Variants in ATM observed in about 807,000 individuals in gnomAD.
The protein encoded by ATM is ATM serine/threonine kinase.
ATM carries 308 observed loss-of-function variants against 387.0 expected under a neutral mutation model. The observed-to-expected ratio is 0.80, with a 90% CI of 0.73 to 0.87. The LOEUF (loss-of-function observed/expected upper bound fraction) is 0.87. Ranked by LOEUF, ATM falls within the 40% of genes least tolerant of loss-of-function variation. The pLI is 0.00. For missense variants in ATM, 3,312 were observed against 3,560.9 expected, an observed-to-expected ratio of 0.93 and a Z score of 1.78; for synonymous variants, 1,156 against 1,187.3, an observed-to-expected ratio of 0.97 and a Z score of 0.54.
At chr11:108,350,637 C>T (rs1462324529) in intron 59 of ATM, among the ~76,000 whole-genome samples, 1 of 152,064 alleles carries the variant, frequency 6.6e-6, no homozygotes, top group Non-Finnish European at 1.5e-5. Flanking sequence ...CAACATTCAG[C>T]GAATGTGAGA....
rs1309067677 is a variant in ATM at position 108,362,333 on chromosome 11, C to A, written c.8851-2749C>A. On this transcript the variant is annotated intron_variant, in intron 61 of 62. Coordinates refer to ENST00000675843, the MANE Select transcript of ATM (RefSeq NM_000051.4). Reference sequence around the variant, plus strand: ...GGAGAGGATGTGGAGAAATAGGAACCCTTTTACACTGTTGGTGGGACTGTA... The same window carrying A: ...GGAGAGGATGTGGAGAAATAGGAACACTTTTACACTGTTGGTGGGACTGTA... Among the ~76,000 whole-genome samples the A allele has an allele frequency of 3.0e-3, 448 of 150,524 alleles. 2 individuals carry two copies. Among genetic ancestry groups the A allele is most frequent in the Admixed American group, 0.024 (346 of 14,398 alleles).
At chr11:108,343,144 G>T (rs2136933339) in intron 56 of ATM, 78 bp from the exon 57 acceptor site, 1 of 1,566,974 alleles carries the variant, frequency 6.4e-7, no homozygotes, top group Non-Finnish European at 8.8e-7. Flanking sequence ...GCTTTGCACT[G>T]ACTCTGATAG....
At chr11:108,257,755 GACTAC>G in intron 15 of ATM, 149 bp downstream of exon 15, 5 of 820,782 alleles carry the variant, frequency 6.1e-6, no homozygotes, top group African/African-American at 1.7e-5. Context: ...AAGTAATTGG[GACTAC>G]AGGCATGTAC....
intron 55 of ATM, 38 bp downstream of exon 55, chr11:108,335,147 T>C (rs2136668525): frequency 6.2e-7 from 1 of 1,613,386 alleles, no homozygotes; most frequent in Non-Finnish European, 8.5e-7. Context: ...CTTAGAGTTT[T>C]AGTGATGAAA....
In ATM at chr11:108,299,731, T is replaced by C. The variant is rs876660275; in HGVS notation, c.5023T>C (p.Leu1675=). ...KEVLEAVGSC[L]GEVGPIDFST... ...ATATGTAGAGGCTGTTGGAAGCTGC[T>C]TGGGAGAAGTGGGTCCTATAGATTT... Residue 1675 remains leucine (L), a synonymous_variant, in exon 34 of 63, where the codon TTG becomes CTG. Coordinates refer to ENST00000675843, the MANE Select transcript of ATM (RefSeq NM_000051.4). 2 of 1,613,882 alleles carry C rather than the reference T, an allele frequency of 1.2e-6. No individual in the cohort carries two copies. The highest frequency in any genetic ancestry group is 1.7e-4 in the Middle Eastern group (1 of 5,986).
chr11:108,331,840 T>C, intron 51 of ATM, 39 bp from the exon 52 acceptor site: 2 of 1,595,830 alleles, frequency 1.3e-6, no homozygotes, highest in Non-Finnish European at 1.7e-6. Context: ...TTATATTTTT[T>C]TGTTTATTTG....
chr11:108,331,289 A>G, intron 50 of ATM, 155 bp from the exon 51 acceptor site: 1 of 1,391,806 alleles, frequency 7.2e-7, no homozygotes, highest in South Asian at 1.7e-5. Context: ...ACCTTCAGAT[A>G]AGAAAAGAAA....
intron 38 of ATM, chr11:108,309,090 G>GC: frequency 7.2e-7 from 1 of 1,380,456 alleles, no homozygotes; most frequent in South Asian, 1.2e-5. Context: ...AGTATGAATG[G>GC]GATATAGAAA....
rs2135754219 is a variant in ATM at position 108,289,113 on chromosome 11, C to T, written c.4236+10C>T. On this transcript the variant is annotated intron_variant, in intron 28 of 62. Coordinates refer to ENST00000675843, the MANE Select transcript of ATM (RefSeq NM_000051.4). Reference sequence around the variant, plus strand: ...TCTTTCCAAAAGCCCTGTAAGTATACATGATGAGTTTAATAATAGAACATT... The same window carrying T: ...TCTTTCCAAAAGCCCTGTAAGTATATATGATGAGTTTAATAATAGAACATT... The T allele has an allele frequency of 1.9e-6, 3 of 1,602,890 alleles. No individual in the cohort carries two copies. Among genetic ancestry groups the T allele is most frequent in the Non-Finnish European group, 2.6e-6 (3 of 1,171,024 alleles).
intron 57 of ATM, among the ~76,000 whole-genome samples, chr11:108,345,214 A>G (rs1413224312): frequency 1.3e-5 from 2 of 152,236 alleles, no homozygotes; most frequent in African/African-American, 4.8e-5. Flanking sequence ...CTAAAGCTTA[A>G]TAAAGATATC....
chr11:108,267,400 A>G (rs2081318281), intron 17 of ATM, 58 bp downstream of exon 17: 3 of 1,492,950 alleles, frequency 2.0e-6, no homozygotes, highest in Non-Finnish European at 2.8e-6. Flanking sequence ...ATTTGGCAGT[A>G]TAAGAGGCCT....
intron 27 of ATM, among the ~76,000 whole-genome samples, chr11:108,288,263 CG>C (rs1251086683): frequency 1.3e-5 from 2 of 151,856 alleles, no homozygotes; most frequent in Non-Finnish European, 2.9e-5. Flanking sequence ...TTGGTAGAGA[CG>C]GGGTTTCACT....
At chr11:108,362,953 A>T (rs936350665) in intron 61 of ATM, among the ~76,000 whole-genome samples, 6 of 151,814 alleles carry the variant, frequency 4.0e-5, no homozygotes, top group East Asian at 1.9e-4. Context: ...AGTATAATTT[A>T]AAAAAAACTA....
rs786202897 is a variant in ATM, at chr11:108,282,843, T to C, written c.3710T>C (p.Ile1237Thr). 6.5e-7 allele frequency: 1 copy of C among 1,529,924 alleles called. No individual in the cohort carries two copies. The highest frequency in any genetic ancestry group is 1.7e-5 in the Admixed American group (1 of 58,606). 94.8% of individuals were successfully genotyped at this position (1,529,924 alleles called of 1,614,324 possible). A position where few individuals can be genotyped will look rare whatever the true frequency, so the allele number is the denominator to read the frequency against. The change falls in exon 25 of 63, where the codon ATT (isoleucine) becomes ACT (threonine). Residue 1237 changes from isoleucine to threonine, a missense_variant. By Grantham distance (89) the Ile-to-Thr change is moderately conservative. Transcript: ENST00000675843. ...TEYNLSSFPF[I>T]LLNYTNIEDF... The stretch of plus-strand genomic sequence containing the variant: ...TACAACTTATCTTCTTTTCCTTTTA[T>C]TTTATTAAACTACACAAATATTGAG...
intron 16 of ATM, among the ~76,000 whole-genome samples, chr11:108,266,692 A>G (rs1354872469): frequency 1.3e-5 from 2 of 152,304 alleles, no homozygotes; most frequent in Middle Eastern, 6.8e-3. Context: ...GACATATTAC[A>G]GGTTATATAT....
At chr11:108,333,413 C>T (rs897205546) in intron 53 of ATM, among the ~76,000 whole-genome samples, 1 of 152,138 alleles carries the variant, frequency 6.6e-6, no homozygotes, top group African/African-American at 2.4e-5. Context: ...TTCTAAGTAT[C>T]TCCCCATACT....
chr11:108,272,954 A>G, intron 22 of ATM, 102 bp downstream of exon 22: 9 of 1,439,164 alleles, frequency 6.3e-6, no homozygotes, highest in South Asian at 1.1e-5. Flanking sequence ...AATAGCTAAC[A>G]CTTGTTGAGT....
rs1421992999 is a variant in ATM at position 108,365,735 on chromosome 11, T to TTC, written c.*227_*228insTC. On this transcript the variant is annotated 3_prime_UTR_variant, in exon 63 of 63. Transcript: ENST00000675843. ...CTTTAGAAATAATGGTCATTCGGGC[T>TTC]GGGCGCAGCGGCTCACGCCTGTAAT... is the stretch of plus-strand genomic sequence containing the variant. 1 of 606,610 alleles carries TTC rather than the reference T, an allele frequency of 1.6e-6. No homozygotes were observed. The highest frequency in any genetic ancestry group is 2.8e-6 in the Non-Finnish European group (1 of 362,542). The allele number at this position is 606,610 out of a possible 1,614,324, so 37.6% of individuals were successfully genotyped here. A position where few individuals can be genotyped will look rare whatever the true frequency, so the allele number is the denominator to read the frequency against.
intron 16 of ATM, among the ~76,000 whole-genome samples, chr11:108,265,732 C>T (rs1304384229): frequency 7.2e-6 from 1 of 138,846 alleles, no homozygotes; most frequent in Non-Finnish European, 1.5e-5. Context: ...GCAACCTACT[C>T]ATCTGACAAA....
Sources: allele counts gnomAD v4.1 joint callset (sites outside exome capture counted in the v4.1 genomes callset), GRCh38; gene constraint gnomAD v4.1.1; transcripts MANE v1.5; gene names NCBI Gene and HGNC (gene_info 2026-07-23, HGNC 2026-07-21).